Variants in PGS1 observed in about 807,000 individuals in gnomAD.
The protein encoded by PGS1 is CDP-diacylglycerol--glycerol-3-phosphate 3-phosphatidyltransferase, mitochondrial.
In PGS1, 44 loss-of-function variants were observed where a neutral mutation model predicts 58.3. The observed-to-expected ratio is 0.75, with a 90% CI of 0.59 to 0.97. The LOEUF (loss-of-function observed/expected upper bound fraction) is 0.97. Ranked by LOEUF, PGS1 falls within the 50% of genes least tolerant of loss-of-function variation. The pLI, the probability that PGS1 is intolerant of heterozygous loss-of-function variation, is 0.00. For missense variants in PGS1, 684 were observed against 731.1 expected (o/e 0.94, Z 0.74); for synonymous variants, 330 against 311.0 (o/e 1.06, Z -0.64).
At chr17:78,389,863 G>A (rs1288770152) in intron 1 of PGS1, among the ~76,000 whole-genome samples, 11 of 152,076 alleles carry the variant, frequency 7.2e-5, no homozygotes, top group Admixed American at 2.0e-4. Flanking sequence ...TTTTCTTCCC[G>A]CCTTGGCCTC....
At chr17:78,422,612 C>CT (rs1341475663) in intron 9 of PGS1, among the ~76,000 whole-genome samples, 1 of 133,690 alleles carries the variant, frequency 7.5e-6, no homozygotes, top group East Asian at 2.0e-4. Context: ...ACCCTCCTGC[C>CT]TCAGCCTCCT....
chr17:78,419,819 T>C, intron 9 of PGS1, 144 bp downstream of exon 9: 11 of 1,451,004 alleles, frequency 7.6e-6, no homozygotes, highest in Non-Finnish European at 1.0e-5. Flanking sequence ...TTCAGGGGTA[T>C]GGCAGCTGTC....
At chr17:78,396,953 T>TAGA (rs576205504) in intron 3 of PGS1, among the ~76,000 whole-genome samples, 17 of 152,338 alleles carry the variant, frequency 1.1e-4, no homozygotes, top group Admixed American at 5.9e-4. Context: ...ATTTACTCTC[T>TAGA]GGCCGTTTAC....
chr17:78,399,644 C>CT (rs2083501114), intron 5 of PGS1, 107 bp downstream of exon 5: 1 of 1,114,272 alleles, frequency 9.0e-7, no homozygotes, highest in African/African-American at 1.5e-5. Context: ...GGAGAACCTG[C>CT]TTGTAGGTCT....
intron 3 of PGS1, among the ~76,000 whole-genome samples, chr17:78,397,598 G>A (rs1567962308): frequency 8.2e-6 from 1 of 121,736 alleles, no homozygotes; most frequent in East Asian, 2.6e-4. Flanking sequence ...CACCCCCCCA[G>A]CTAATTTTGT....
chr17:78,401,671 T>C (rs1483622124), intron 6 of PGS1, among the ~76,000 whole-genome samples: 2 of 152,108 alleles, frequency 1.3e-5, no homozygotes, highest in African/African-American at 4.8e-5. Flanking sequence ...GCCCTGTCCT[T>C]GTGTCAGGGG....
chr17:78,403,490 A>C, intron 6 of PGS1, 78 bp from the exon 7 acceptor site: 1 of 1,450,582 alleles, frequency 6.9e-7, no homozygotes. Context: ...TGCCTATCAC[A>C]TGCCCTGTCC....
intron 7 of PGS1, among the ~76,000 whole-genome samples, chr17:78,404,598 G>A (rs1567978669): frequency 6.6e-6 from 1 of 152,050 alleles, no homozygotes; most frequent in Non-Finnish European, 1.5e-5. Flanking sequence ...ACTGTATATG[G>A]TCACATTATT....
At chr17:78,414,815 T>C in intron 7 of PGS1, 64 bp from the exon 8 acceptor site, 2 of 1,572,598 alleles carry the variant, frequency 1.3e-6, no homozygotes, top group Non-Finnish European at 8.7e-7. Flanking sequence ...TGCAGCAGCG[T>C]GTGGAGAGGA....
intron 7 of PGS1, among the ~76,000 whole-genome samples, chr17:78,404,952 G>T (rs113739674): frequency 6.6e-6 from 1 of 151,826 alleles, no homozygotes; most frequent in Non-Finnish European, 1.5e-5. Flanking sequence ...GAGCCACCAC[G>T]CCCGGCCCTT....
At chr17:78,396,737 G>A (rs1055961485) in intron 3 of PGS1, among the ~76,000 whole-genome samples, 4 of 152,136 alleles carry the variant, frequency 2.6e-5, no homozygotes, top group Non-Finnish European at 4.4e-5. Context: ...AAGAAAGAAT[G>A]GTTTTTACAT....
At chr17:78,405,784 G>C (rs1175605434) in intron 7 of PGS1, among the ~76,000 whole-genome samples, 1 of 152,124 alleles carries the variant, frequency 6.6e-6, no homozygotes, top group Non-Finnish European at 1.5e-5. Context: ...CGGCTTTTCT[G>C]GCTTCTCCCT....
intron 7 of PGS1, among the ~76,000 whole-genome samples, chr17:78,407,288 TTGA>T (rs1394833965): frequency 6.6e-6 from 1 of 152,200 alleles, no homozygotes; most frequent in African/African-American, 2.4e-5. Flanking sequence ...CAGAGGTCAC[TTGA>T]TGCTGAAGTG....
intron 2 of PGS1, among the ~76,000 whole-genome samples, chr17:78,393,252 G>A (rs1218031804): frequency 3.3e-5 from 5 of 151,874 alleles, no homozygotes; most frequent in South Asian, 2.1e-4. Context: ...AGTAGAGATG[G>A]GGTTTCACTG....
rs115887243 is a variant in PGS1 at position 78,413,703 on chromosome 17, C to T, written c.1403-1176C>T. On this transcript the variant is annotated intron_variant, in intron 7 of 9. Transcript: ENST00000262764. ...CCTGGGTGCCCTGTGGGAGGAAGGGCGTCTCAGGCAGCACGTGTCCTTGGG... is the reference window on the plus strand; with the variant it reads ...CCTGGGTGCCCTGTGGGAGGAAGGGTGTCTCAGGCAGCACGTGTCCTTGGG... 6.6e-5 allele frequency among the ~76,000 whole-genome samples: 10 copies of T among 152,312 alleles called. No individual in the cohort carries two copies. In the South Asian group the frequency reaches 1.7e-3, roughly 25 times the overall value.
At chr17:78,419,116 G>GC (rs2085465099) in intron 8 of PGS1, among the ~76,000 whole-genome samples, 1 of 151,866 alleles carries the variant, frequency 6.6e-6, no homozygotes. Context: ...TGAAACCCTT[G>GC]CCTACCTCAG....
At position 78,404,169 on chromosome 17, in the gene PGS1, A is replaced by G. The variant is rs2083919791; in HGVS notation, c.1402+80A>G. The stretch of plus-strand genomic sequence containing the variant: ...CAGGGGGTGGGGAGCCCTGGCGCCT[A>G]CCTGTTAGAGTGCTGTACTTCTCCC... On this transcript the variant is annotated intron_variant, in intron 7 of 9. Coordinates refer to ENST00000262764, the MANE Select transcript of PGS1 (RefSeq NM_024419.5). The G allele has an allele frequency of 9.9e-6, 14 of 1,412,430 alleles. No homozygotes were observed. In the South Asian group the frequency reaches 1.8e-4, roughly 19 times the overall value. The allele number at this position is 1,412,430 out of a possible 1,614,324, so 87.5% of individuals were successfully genotyped here.
In PGS1 at chr17:78,424,291, C is replaced by T. The variant is rs1282506393; in HGVS notation, c.*241C>T. 8 of 1,156,570 alleles carry T rather than the reference C, an allele frequency of 6.9e-6. No individual in the cohort carries two copies. The highest frequency in any genetic ancestry group is 8.3e-6 in the Non-Finnish European group (7 of 844,854). 71.6% of individuals were successfully genotyped at this position (1,156,570 alleles called of 1,614,324 possible). ...CCAAAAGGCTTCAGGCCAGCTGCCA[C>T]GGCTGGAAGCAGAGGCCTTCGTAGG... On this transcript the variant is annotated 3_prime_UTR_variant, in exon 10 of 10. Coordinates refer to ENST00000262764, the MANE Select transcript of PGS1 (RefSeq NM_024419.5).
intron 8 of PGS1, among the ~76,000 whole-genome samples, chr17:78,415,979 C>T (rs565237673): frequency 6.6e-6 from 1 of 152,328 alleles, no homozygotes; most frequent in East Asian, 1.9e-4. Context: ...TTTTATGCTC[C>T]AGGGTTTGGG....
Sources: gnomAD v4.1 joint callset for allele counts (sites outside exome capture counted in the v4.1 genomes callset) on GRCh38, gnomAD v4.1.1 for gene constraint, MANE v1.5 for transcripts, NCBI Gene and HGNC (gene_info 2026-07-23, HGNC 2026-07-21) for gene names.